Variants in PPP2R2B observed in about 807,000 individuals in gnomAD.
PPP2R2B encodes protein phosphatase 2 regulatory subunit Bbeta.
PPP2R2B carries 5 observed loss-of-function variants against 46.0 expected under a neutral mutation model. The observed-to-expected ratio is 0.11, with a 90% confidence interval of 0.06 to 0.23. The LOEUF (loss-of-function observed/expected upper bound fraction) is 0.23, where lower values mean the gene tolerates loss of function less well. PPP2R2B is among the 10% of genes least tolerant of loss of function. The pLI is 1.00. For missense variants in PPP2R2B, 367 were observed against 575.0 expected (o/e 0.64, Z 3.70); for synonymous variants, 215 against 206.7 (o/e 1.04, Z -0.34).
chr5:146,881,185 C>T (rs536312532), upstream of PPP2R2B, among the ~76,000 whole-genome samples: 10 of 152,230 alleles, frequency 6.6e-5, no homozygotes, highest in East Asian at 1.9e-4. Context: ...TGGGCATTTC[C>T]GCATGCTATG....
rs1358430617 is a variant in PPP2R2B, at chr5:146,588,589, A to G, written c.*1358T>C. Reference sequence around the variant, plus strand: ...CACCCATCTACTTTCCTAAGTTTATAAATCCTTTGCATGCATTTAGTGCCT... The same window carrying G: ...CACCCATCTACTTTCCTAAGTTTATGAATCCTTTGCATGCATTTAGTGCCT... On this transcript the variant is annotated 3_prime_UTR_variant, in exon 10 of 10. Transcript: ENST00000394411. 6.6e-6 allele frequency: 1 copy of G among 152,094 alleles called. No homozygotes were observed. The highest frequency in any genetic ancestry group is 1.5e-5 in the Non-Finnish European group (1 of 68,048). 9.4% of individuals were successfully genotyped at this position (152,094 alleles called of 1,614,324 possible).
intron 2 of PPP2R2B, among the ~76,000 whole-genome samples, chr5:146,806,088 T>C (rs1056715047): frequency 6.6e-6 from 1 of 152,150 alleles, no homozygotes; most frequent in Non-Finnish European, 1.5e-5. Flanking sequence ...GTGAATTTGG[T>C]GGATGACAAA....
rs76962506 is a variant in PPP2R2B, at chr5:146,591,140, C to T, written c.1053-914G>A. Among the ~76,000 whole-genome samples the T allele has an allele frequency of 6.8e-3, 1,036 of 151,924 alleles. 7 individuals carry two copies. The highest frequency in any genetic ancestry group is 0.024 in the African/African-American group (983 of 41,348). On this transcript the variant is annotated intron_variant, in intron 9 of 9. Coordinates refer to ENST00000394411, the MANE Select transcript of PPP2R2B (RefSeq NM_181675.4). Reference sequence around the variant, plus strand: ...CCCCAAGTGCCATCACACGGTGGTTCCCCTGGAGTGGGGGGCTCCTACTCA... The same window carrying T: ...CCCCAAGTGCCATCACACGGTGGTTTCCCTGGAGTGGGGGGCTCCTACTCA...
At chr5:146,972,170 T>G (rs1752689548) in intron 1 of PPP2R2B, among the ~76,000 whole-genome samples, 1 of 150,470 alleles carries the variant, frequency 6.6e-6, no homozygotes, top group African/African-American at 2.5e-5. Flanking sequence ...TCTCTCAATT[T>G]GGGTTTGTCA....
In PPP2R2B at chr5:146,587,269, C is replaced by T. The variant is rs1770211780; in HGVS notation, c.*2678G>A. On this transcript the variant is annotated 3_prime_UTR_variant, in exon 10 of 10. Coordinates refer to ENST00000394411, the MANE Select transcript of PPP2R2B (RefSeq NM_181675.4). ...AAAGAACAGTTAATTTGTGAAACAT[C>T]GTGGTGGTTATTGCTCCCTGAGGCC... is the stretch of plus-strand genomic sequence containing the variant. The T allele has an allele frequency of 6.6e-6, 1 of 152,236 alleles. No homozygotes were observed. Among genetic ancestry groups the T allele is most frequent in the Non-Finnish European group, 1.5e-5 (1 of 68,066 alleles). The allele number at this position is 152,236 out of a possible 1,614,324, so 9.4% of individuals were successfully genotyped here. A position where few individuals can be genotyped will look rare whatever the true frequency, so the allele number is the denominator to read the frequency against.
intron 1 of PPP2R2B, among the ~76,000 whole-genome samples, chr5:146,986,813 C>T (rs1010752392): frequency 3.3e-5 from 5 of 151,742 alleles, no homozygotes; most frequent in Non-Finnish European, 7.4e-5. Flanking sequence ...CCCTTAAAGT[C>T]GGAGTAGAAA....
chr5:146,940,804 A>G lies in PPP2R2B; in HGVS notation c.79+114861T>C, dbSNP rs142169229. Among the ~76,000 whole-genome samples the G allele has an allele frequency of 1.9e-4, 29 of 152,260 alleles. No individual in the cohort carries two copies. In the East Asian group the frequency reaches 5.4e-3, roughly 28 times the overall value. On this transcript the variant is annotated intron_variant, in intron 1 of 8. Coordinates refer to the PPP2R2B transcript ENST00000336640. ...TTGTCTGTGTTCCACTGAATTCTCT[A>G]TCATATGAGCATCCAAACAGGTATG... is the stretch of plus-strand genomic sequence containing the variant.
chr5:146,823,109 C>T (rs1561935785), intron 2 of PPP2R2B, among the ~76,000 whole-genome samples: 1 of 152,200 alleles, frequency 6.6e-6, no homozygotes, highest in African/African-American at 2.4e-5. Context: ...GCTCAGCCCC[C>T]TGTTCTGGTT....
intron 1 of PPP2R2B, among the ~76,000 whole-genome samples, chr5:146,981,689 A>C (rs918270461): frequency 2.6e-5 from 4 of 152,156 alleles, no homozygotes; most frequent in Non-Finnish European, 5.9e-5. Flanking sequence ...GACAGAGAAC[A>C]TTTCCATCCC....
At chr5:146,823,878 T>A (rs1758417243) in intron 2 of PPP2R2B, among the ~76,000 whole-genome samples, 1 of 152,194 alleles carries the variant, frequency 6.6e-6, no homozygotes, top group South Asian at 2.1e-4. Context: ...AAAGAAAAGT[T>A]GGCTCAACCA....
chr5:147,019,019 G>T (rs969578348), intron 1 of PPP2R2B, among the ~76,000 whole-genome samples: 5 of 152,148 alleles, frequency 3.3e-5, no homozygotes, highest in Admixed American at 1.3e-4. Context: ...GTTTATTACT[G>T]CAAGATCATA....
chr5:146,915,284 C>T (rs1763341061), intron 1 of PPP2R2B, among the ~76,000 whole-genome samples: 1 of 152,100 alleles, frequency 6.6e-6, no homozygotes, highest in Non-Finnish European at 1.5e-5. Context: ...ACTTAAAATC[C>T]TCCAATGTCT....
chr5:146,988,136 C>T lies in PPP2R2B; in HGVS notation c.79+67529G>A, dbSNP rs1345685259. Reference sequence around the variant, plus strand: ...TTATATAAAGCAAATATTAACAGACCTAAAGGAAGAAATTGACTGCAATAC... The same window carrying T: ...TTATATAAAGCAAATATTAACAGACTTAAAGGAAGAAATTGACTGCAATAC... On this transcript the variant is annotated intron_variant, in intron 1 of 8. Coordinates refer to the PPP2R2B transcript ENST00000336640. Among the ~76,000 whole-genome samples the T allele has an allele frequency of 6.6e-5, 10 of 151,884 alleles. No individual in the cohort carries two copies. The East Asian group carries it at 1.9e-3, about 29-fold the overall frequency.
chr5:146,969,491 A>G (rs945756946), intron 1 of PPP2R2B, among the ~76,000 whole-genome samples: 10 of 152,218 alleles, frequency 6.6e-5, no homozygotes, highest in Non-Finnish European at 1.5e-4. Flanking sequence ...GACAGTTTAT[A>G]TAAGTGAGGG....
rs1345831755 is a variant in PPP2R2B, at chr5:146,691,098, G to C, written c.447+30C>G. ...AACCTTAGGAGACCTGCCCCTGACTGTGGTGGCCAGGGCAGCTGTTTGCAC... is the reference window on the plus strand; with the variant it reads ...AACCTTAGGAGACCTGCCCCTGACTCTGGTGGCCAGGGCAGCTGTTTGCAC... On this transcript the variant is annotated intron_variant, in intron 5 of 9. Transcript: ENST00000394411. 1.9e-6 allele frequency: 3 copies of C among 1,584,822 alleles called. No individual in the cohort carries two copies. In the East Asian group the frequency reaches 6.7e-5, roughly 35 times the overall value.
chr5:146,801,608 C>G (rs1009655923), intron 2 of PPP2R2B, among the ~76,000 whole-genome samples: 1 of 152,128 alleles, frequency 6.6e-6, no homozygotes, highest in African/African-American at 2.4e-5. Flanking sequence ...GCTGTGGGGT[C>G]AGGCCGCCTG....
chr5:146,924,729 C>A (rs1763723417), intron 1 of PPP2R2B, among the ~76,000 whole-genome samples: 3 of 151,988 alleles, frequency 2.0e-5, no homozygotes, highest in Non-Finnish European at 4.4e-5. Context: ...GCTTTGTGTC[C>A]AGAATTATGT....
At chr5:146,735,333 C>A (rs369124852) in intron 2 of PPP2R2B, among the ~76,000 whole-genome samples, 11 of 151,968 alleles carry the variant, frequency 7.2e-5, no homozygotes, top group Non-Finnish European at 1.5e-4. Context: ...AAACCCCCCC[C>A]ACAATCCTTC....
chr5:146,744,974 A>G (rs1213220357), intron 2 of PPP2R2B, among the ~76,000 whole-genome samples: 1 of 152,164 alleles, frequency 6.6e-6, no homozygotes, highest in Admixed American at 6.5e-5. Context: ...ACCAAGAGTC[A>G]AATTTATATT....
Sources: allele counts gnomAD v4.1 joint callset (sites outside exome capture counted in the v4.1 genomes callset), GRCh38; gene constraint gnomAD v4.1.1; transcripts MANE v1.5; gene names NCBI Gene and HGNC (gene_info 2026-07-23, HGNC 2026-07-21).